Variants in DOK6 observed in about 807,000 individuals in gnomAD.
DOK6 encodes downstream of tyrosine kinase 6.
DOK6 carries 22 observed loss-of-function variants against 44.0 expected under a neutral mutation model. That is an observed-to-expected ratio of 0.50 (90% CI 0.36 to 0.71). The LOEUF (loss-of-function observed/expected upper bound fraction) is 0.71, where lower values mean the gene tolerates loss of function less well. Ranked by LOEUF, DOK6 falls within the 30% of genes least tolerant of loss-of-function variation. DOK6 has a pLI of 0.00. For synonymous variants in DOK6, 166 were observed against 145.5 expected (o/e 1.14, Z -1.01); for missense variants, 340 against 416.4 (o/e 0.82, Z 1.60).
intron 3 of DOK6, among the ~76,000 whole-genome samples, chr18:69,666,207 T>C (rs1173270677): frequency 6.6e-6 from 1 of 152,218 alleles, no homozygotes; most frequent in East Asian, 1.9e-4. Context: ...CATATGCTGA[T>C]AAGTTTGTTA....
intron 1 of DOK6, among the ~76,000 whole-genome samples, chr18:69,406,481 G>C (rs1024482930): frequency 6.6e-6 from 1 of 152,150 alleles, no homozygotes; most frequent in African/African-American, 2.4e-5. Flanking sequence ...GTAAGACCTG[G>C]GAGAGGTGGG....
At chr18:69,792,471 T>C (rs1380803127) in intron 7 of DOK6, among the ~76,000 whole-genome samples, 4 of 152,074 alleles carry the variant, frequency 2.6e-5, no homozygotes, top group African/African-American at 9.7e-5. Context: ...ACTTGTTTAA[T>C]TCCTTTTTCA....
At chr18:69,634,826 A>C (rs920943037) in intron 3 of DOK6, among the ~76,000 whole-genome samples, 1 of 152,198 alleles carries the variant, frequency 6.6e-6, no homozygotes, top group Non-Finnish European at 1.5e-5. Flanking sequence ...TTATTAGCAG[A>C]TTCCTTTACC....
chr18:69,478,436 T>G (rs1428876277), intron 1 of DOK6, among the ~76,000 whole-genome samples: 1 of 152,164 alleles, frequency 6.6e-6, no homozygotes, highest in African/African-American at 2.4e-5. Context: ...TTGTTTTATT[T>G]AAATCATTAT....
intron 2 of DOK6, among the ~76,000 whole-genome samples, chr18:69,596,224 G>A (rs969117961): frequency 1.3e-5 from 2 of 152,040 alleles, no homozygotes; most frequent in African/African-American, 4.8e-5. Flanking sequence ...AAATTGGATT[G>A]GCCCCATATG....
At chr18:69,431,218 G>A (rs888539023) in intron 1 of DOK6, among the ~76,000 whole-genome samples, 1 of 152,176 alleles carries the variant, frequency 6.6e-6, no homozygotes, top group Non-Finnish European at 1.5e-5. Context: ...CACAAAGCAG[G>A]ACTATTTAAA....
rs530459901 is a variant in DOK6, at chr18:69,518,737, T to TA, written c.67-45744dup. ...AAAGAAAAATCTTTAAAAACATTTC[T>TA]AAAAAATATGTATCAAAGTTAAAAT... is the stretch of plus-strand genomic sequence containing the variant. On this transcript the variant is annotated intron_variant, in intron 1 of 7. Coordinates refer to ENST00000382713, the MANE Select transcript of DOK6 (RefSeq NM_152721.6). Among the ~76,000 whole-genome samples, 61 of 152,230 alleles carry TA rather than the reference T, an allele frequency of 4.0e-4. 1 individual carries two copies. The East Asian group carries it at 0.01, about 26-fold the overall frequency.
intron 7 of DOK6, among the ~76,000 whole-genome samples, chr18:69,826,168 C>T (rs1599346975): frequency 6.6e-6 from 1 of 152,150 alleles, no homozygotes; most frequent in Non-Finnish European, 1.5e-5. Flanking sequence ...TGCTAGTGCT[C>T]ACTAAGCTTT....
At chr18:69,462,368 T>TTCTGTGTGTATGTGTGTG (rs1461019271) in intron 1 of DOK6, among the ~76,000 whole-genome samples, 1 of 151,986 alleles carries the variant, frequency 6.6e-6, no homozygotes, top group African/African-American at 2.4e-5. Flanking sequence ...TGTAGTATAT[T>TTCTGTGTGTATGTGTGTG]TCTGTGTGTA....
At chr18:69,719,520 G>T (rs1986959578) in intron 5 of DOK6, among the ~76,000 whole-genome samples, 1 of 152,176 alleles carries the variant, frequency 6.6e-6, no homozygotes, top group African/African-American at 2.4e-5. Context: ...ATTATAGAAA[G>T]GCAAACTAAG....
intron 7 of DOK6, among the ~76,000 whole-genome samples, chr18:69,818,086 T>C (rs1049056034): frequency 6.6e-6 from 1 of 152,114 alleles, no homozygotes; most frequent in Admixed American, 6.5e-5. Context: ...AAGGATCCCC[T>C]TCAAGTTTAG....
chr18:69,456,795 A>C (rs1299298500), intron 1 of DOK6, among the ~76,000 whole-genome samples: 1 of 152,028 alleles, frequency 6.6e-6, no homozygotes, highest in Non-Finnish European at 1.5e-5. Flanking sequence ...CTTTTCTTCG[A>C]AGTCTTGCCA....
intron 3 of DOK6, among the ~76,000 whole-genome samples, chr18:69,669,487 G>C (rs1202989645): frequency 6.6e-6 from 1 of 152,226 alleles, no homozygotes; most frequent in Non-Finnish European, 1.5e-5. Context: ...ACAACTGGAA[G>C]ACTTGCTCCT....
At chr18:69,507,869 T>C (rs952360256) in intron 1 of DOK6, among the ~76,000 whole-genome samples, 6 of 151,978 alleles carry the variant, frequency 3.9e-5, no homozygotes, top group Non-Finnish European at 8.8e-5. Context: ...CTTGTTGCAC[T>C]GACTGGATGC....
chr18:69,604,383 G>A (rs1027134069), intron 3 of DOK6, among the ~76,000 whole-genome samples: 35 of 152,092 alleles, frequency 2.3e-4, no homozygotes, highest in Non-Finnish European at 7.4e-5. Flanking sequence ...GGAAATGAAG[G>A]GCTCTTCATT....
At chr18:69,446,105 G>A (rs1056764195) in intron 1 of DOK6, among the ~76,000 whole-genome samples, 34 of 151,408 alleles carry the variant, frequency 2.2e-4, no homozygotes, top group Non-Finnish European at 4.0e-4. Flanking sequence ...TGTGCACAAC[G>A]TGCACGTTTG....
intron 4 of DOK6, 138 bp downstream of exon 4, chr18:69,677,991 G>C: frequency 1.5e-6 from 2 of 1,336,350 alleles, no homozygotes; most frequent in Non-Finnish European, 2.0e-6. Context: ...GCGCAAACCT[G>C]TAATCCCTGC....
chr18:69,451,120 C>T (rs1472059452), intron 1 of DOK6, among the ~76,000 whole-genome samples: 38 of 149,312 alleles, frequency 2.5e-4, no homozygotes, highest in African/African-American at 9.2e-4. Context: ...ACTGGCAAGT[C>T]GGATAAAGAG....
chr18:69,584,091 C>G (rs1438312560), intron 2 of DOK6, among the ~76,000 whole-genome samples: 21 of 110,672 alleles, frequency 1.9e-4, no homozygotes, highest in South Asian at 3.1e-4. Context: ...CTGGGCAACA[C>G]AGTGAGACTC....
Sources: gnomAD v4.1 joint callset for allele counts (sites outside exome capture counted in the v4.1 genomes callset) on GRCh38, gnomAD v4.1.1 for gene constraint, MANE v1.5 for transcripts, NCBI Gene and HGNC (gene_info 2026-07-23, HGNC 2026-07-21) for gene names.